WNK2: variants seen among roughly 807,000 people sequenced by gnomAD.
WNK2 encodes the protein serine/threonine-protein kinase WNK2.
Under a neutral mutation model 192.1 loss-of-function variants are expected in WNK2, and 67 were observed. That is an observed-to-expected ratio of 0.35 (90% CI 0.29 to 0.43). The LOEUF (loss-of-function observed/expected upper bound fraction) is 0.43. WNK2 is among the 20% of genes least tolerant of loss of function. The probability of loss-of-function intolerance (pLI) is 1.00; values close to 1 mark genes in which losing one functional copy is unlikely to be tolerated. For synonymous variants in WNK2, 1,439 were observed against 1,393.9 expected (o/e 1.03, Z -0.72); for missense variants, 2,698 against 3,089.7 (o/e 0.87, Z 3.01).
intron 19 of WNK2, among the ~76,000 whole-genome samples, chr9:93,274,507 G>A (rs929882970): frequency 8.1e-6 from 1 of 123,702 alleles, no homozygotes; most frequent in African/African-American, 3.4e-5. Context: ...GCAAGGCTCC[G>A]TCTCAACCAA....
At chr9:93,302,608 G>A (rs933579547) in intron 26 of WNK2, among the ~76,000 whole-genome samples, 1 of 152,324 alleles carries the variant, frequency 6.6e-6, no homozygotes, top group Non-Finnish European at 1.5e-5. Context: ...AAGATGAAAC[G>A]GCCCCAGGCA....
chr9:93,291,779 C>T (rs1241280184), intron 21 of WNK2, among the ~76,000 whole-genome samples: 1 of 152,236 alleles, frequency 6.6e-6, no homozygotes, highest in African/African-American at 2.4e-5. Flanking sequence ...GCCCCCATGT[C>T]AGCTTGCTTG....
At position 93,308,445 on chromosome 9, in the gene WNK2, A is replaced by C. The variant is rs1395853446; in HGVS notation, c.6377A>C (p.His2126Pro). ...AAGGGTACCTTCACGGACGACCTGC[A>C]CAAGCTGGTGGACGAGTGGACGAGC... ...NKKGTFTDDL[H>P]KLVDEWTSKT... Residue 2126 changes from histidine to proline, a missense_variant, in exon 28 of 30, where the codon CAC (histidine) becomes CCC (proline). Physicochemically the swap from His to Pro is moderately conservative, Grantham distance 77. This residue lies in a region of WNK2 where 167 missense variants were observed against 184.2 expected (regional missense o/e 0.91). Transcript: ENST00000427277. The C allele has an allele frequency of 6.2e-7, 1 of 1,610,288 alleles. No individual in the cohort carries two copies. The highest frequency in any genetic ancestry group is 8.5e-7 in the Non-Finnish European group (1 of 1,178,714).
Position 93,253,046 on chromosome 9 carries a change from G to A in WNK2, c.1998G>A (p.Leu666=). 1 of 1,522,538 alleles carries A rather than the reference G, an allele frequency of 6.6e-7. No individual in the cohort carries two copies. The highest frequency in any genetic ancestry group is 8.8e-7 in the Non-Finnish European group (1 of 1,135,350). The allele number at this position is 1,522,538 out of a possible 1,614,324, so 94.3% of individuals were successfully genotyped here. Reference sequence around the variant, plus strand: ...AGGGGCCCGTCCTGCCGCAGAGCCTGCCCTCGCTGGGGGCCTACCAGCAGC... The same window carrying A: ...AGGGGCCCGTCCTGCCGCAGAGCCTACCCTCGCTGGGGGCCTACCAGCAGC... ...VSEGPVLPQS[L]PSLGAYQQPT... is the part of the protein sequence containing the mutation. The change falls in exon 9 of 30, where the codon CTG becomes CTA. Residue 666 remains leucine (L), a synonymous_variant. Transcript: ENST00000427277.
chr9:93,226,029 TGTCTGAAAACGA>T (rs1483064743), intron 2 of WNK2, among the ~76,000 whole-genome samples: 1 of 152,230 alleles, frequency 6.6e-6, no homozygotes, highest in Admixed American at 6.5e-5. Context: ...AGCTCCTGCA[TGTCTGAAAACGA>T]GTCTGGACCG....
At chr9:93,219,328 T>C (rs886820287) in intron 2 of WNK2, among the ~76,000 whole-genome samples, 2 of 152,240 alleles carry the variant, frequency 1.3e-5, no homozygotes, top group Non-Finnish European at 2.9e-5. Flanking sequence ...CCCTGGGTGA[T>C]GCCCGGCTTG....
At chr9:93,262,278 TC>T (rs1844403395) in intron 13 of WNK2, among the ~76,000 whole-genome samples, 171 bp downstream of exon 13, 1 of 152,228 alleles carries the variant, frequency 6.6e-6, no homozygotes, top group African/African-American at 2.4e-5. Flanking sequence ...GTAAGCCACA[TC>T]AAGACAGAGG....
At position 93,288,909 on chromosome 9, in the gene WNK2, C is replaced by T. The variant is rs763747322; in HGVS notation, c.4155C>T (p.Ala1385=). The change falls in exon 20 of 30, where the codon GCC becomes GCT. Residue 1385 remains alanine, a synonymous_variant. Transcript: ENST00000427277. The part of the protein sequence containing the change: ...NPPGAPPAPL[A]PSSPPVTALP... Reference sequence around the variant, plus strand: ...CTGGGGCACCCCCAGCCCCTTTGGCCCCCTCCTCCCCTCCTGTGACTGCTC... The same window carrying T: ...CTGGGGCACCCCCAGCCCCTTTGGCTCCCTCCTCCCCTCCTGTGACTGCTC... The T allele has an allele frequency of 2.5e-6, 4 of 1,606,048 alleles. No individual in the cohort carries two copies. The highest frequency in any genetic ancestry group is 3.4e-6 in the Non-Finnish European group (4 of 1,176,948).
chr9:93,204,486 T>A (rs1833024149), intron 2 of WNK2, among the ~76,000 whole-genome samples: 1 of 152,106 alleles, frequency 6.6e-6, no homozygotes, highest in African/African-American at 2.4e-5. Context: ...GACTCAGGGT[T>A]CTAAATGTGC....
chr9:93,308,228 C>T, intron 27 of WNK2, 100 bp from the exon 28 acceptor site: 1 of 1,475,420 alleles, frequency 6.8e-7, no homozygotes, highest in Non-Finnish European at 9.0e-7. Flanking sequence ...CAAGTGAGAC[C>T]ATTGTCTCAG....
chr9:93,276,565 A>G (rs1846919405), intron 19 of WNK2, among the ~76,000 whole-genome samples: 1 of 152,212 alleles, frequency 6.6e-6, no homozygotes, highest in East Asian at 1.9e-4. Flanking sequence ...TGTATAAAAG[A>G]AAAAATGGAT....
chr9:93,198,235 G>C (rs1041542815), intron 2 of WNK2, among the ~76,000 whole-genome samples: 1 of 152,230 alleles, frequency 6.6e-6, no homozygotes, highest in Non-Finnish European at 1.5e-5. Context: ...CCCTTTGGGT[G>C]CCTGAGGCAC....
At chr9:93,287,362 C>T (rs114668041) in intron 19 of WNK2, among the ~76,000 whole-genome samples, 1,583 of 152,254 alleles carry the variant, frequency 0.01, 27 homozygotes, top group African/African-American at 0.036. Flanking sequence ...CGGGCCTGCA[C>T]GCACTGTGCC....
At chr9:93,300,636 A>G (rs1851446445) in intron 26 of WNK2, among the ~76,000 whole-genome samples, 1 of 152,178 alleles carries the variant, frequency 6.6e-6, no homozygotes, top group South Asian at 2.1e-4. Context: ...TGGACTGTGA[A>G]GACATGCACA....
chr9:93,262,358 G>T (rs959472753), intron 13 of WNK2, among the ~76,000 whole-genome samples: 3 of 152,228 alleles, frequency 2.0e-5, no homozygotes, highest in Non-Finnish European at 4.4e-5. Flanking sequence ...ACTGTGAAAA[G>T]CTTTCATAGC....
intron 2 of WNK2, among the ~76,000 whole-genome samples, chr9:93,191,337 CAGTGCAGGCTTG>C (rs1158024050): frequency 1.3e-5 from 2 of 152,098 alleles, no homozygotes; most frequent in African/African-American, 4.8e-5. Flanking sequence ...TGGGTCTCAA[CAGTGCAGGCTTG>C]TGTGTATGTT....
rs1346911830 is a variant in WNK2, at chr9:93,293,222, C to T, written c.5708+49C>T. The T allele has an allele frequency of 4.3e-6, 6 of 1,399,340 alleles. No homozygotes were observed. In the South Asian group the frequency reaches 9.7e-5, roughly 23 times the overall value. 86.7% of individuals were successfully genotyped at this position (1,399,340 alleles called of 1,614,324 possible). On this transcript the variant is annotated intron_variant, in intron 23 of 29. Transcript: ENST00000427277. ...TTGCCCCCGCCCCTGGGCCATGGCA[C>T]CCCTTCCCAGTTGTGAGGGAACCCT...
chr9:93,198,610 A>G (rs904374608), intron 2 of WNK2, among the ~76,000 whole-genome samples: 34 of 152,204 alleles, frequency 2.2e-4, no homozygotes, highest in African/African-American at 8.0e-4. Flanking sequence ...ATGGACATGG[A>G]AGCCTGACAG....
At position 93,232,311 on chromosome 9, in the gene WNK2, G is replaced by A. The variant is rs112952008; in HGVS notation, c.1075+1203G>A. On this transcript the variant is annotated intron_variant, in intron 4 of 29. Coordinates refer to ENST00000427277, the MANE Select transcript of WNK2 (RefSeq NM_006648.4). Reference sequence around the variant, plus strand: ...TGTACACAAAGCCTCTGGCATTCTGGGGGAGCTGAGTGGTGGAGCGTAGGG... The same window carrying A: ...TGTACACAAAGCCTCTGGCATTCTGAGGGAGCTGAGTGGTGGAGCGTAGGG... 6.6e-4 allele frequency among the ~76,000 whole-genome samples: 101 copies of A among 152,272 alleles called. 1 individual carries two copies. The highest frequency in any genetic ancestry group is 2.2e-3 in the African/African-American group (90 of 41,532).
Sources: allele counts gnomAD v4.1 joint callset (sites outside exome capture counted in the v4.1 genomes callset), GRCh38; gene constraint gnomAD v4.1.1; regional missense constraint gnomAD v4.1.1; transcripts MANE v1.5; gene names NCBI Gene and HGNC (gene_info 2026-07-23, HGNC 2026-07-21).